The following ADGB variants were observed in gnomAD, a reference collection of about 807,000 sequenced individuals.
The protein encoded by ADGB is androglobin, also known as calpain-7-like protein.
Under a neutral mutation model 210.5 loss-of-function variants are expected in ADGB, and 172 were observed. The ratio of observed to expected loss-of-function variants is 0.82; its 90% CI spans 0.72 to 0.93. ADGB has a LOEUF of 0.93. Ranked by LOEUF, ADGB falls within the 40% of genes least tolerant of loss-of-function variation. ADGB has a pLI of 0.00. For synonymous variants in ADGB, 658 were observed against 662.7 expected (o/e 0.99, Z 0.11); for missense variants, 2,025 against 1,964.8 (o/e 1.03, Z -0.58).
chr6:146,731,082 TAGGG>T (rs1456241312), intron 20 of ADGB, among the ~76,000 whole-genome samples: 2 of 152,194 alleles, frequency 1.3e-5, no homozygotes, highest in Non-Finnish European at 2.9e-5. Flanking sequence ...TTATTTTTCG[TAGGG>T]AGTGATTAAG....
chr6:146,739,129 C>A (rs1156513543), intron 23 of ADGB, among the ~76,000 whole-genome samples: 1 of 152,058 alleles, frequency 6.6e-6, no homozygotes, highest in Non-Finnish European at 1.5e-5. Context: ...GACTGGAAAT[C>A]ACACTCTTAT....
At chr6:146,747,939 A>G (rs1777265558) in intron 26 of ADGB, among the ~76,000 whole-genome samples, 1 of 151,232 alleles carries the variant, frequency 6.6e-6, no homozygotes, top group Non-Finnish European at 1.5e-5. Context: ...CATGCCACCA[A>G]GCCTAGTTAA....
At chr6:146,730,990 AC>A (rs1425577944) in intron 20 of ADGB, among the ~76,000 whole-genome samples, 1 of 152,304 alleles carries the variant, frequency 6.6e-6, no homozygotes, top group East Asian at 1.9e-4. Context: ...AGAGAGAGGA[AC>A]AGAGAGAGAT....
intron 20 of ADGB, 59 bp downstream of exon 20, chr6:146,728,800 T>A: frequency 2.2e-6 from 3 of 1,387,864 alleles, no homozygotes; most frequent in Non-Finnish European, 2.9e-6. Flanking sequence ...AAATGGTATA[T>A]CTTCCATTAG....
At position 146,740,680 on chromosome 6, in the gene ADGB, T is replaced by C. The variant is rs151247180; in HGVS notation, c.3023+87T>C. The C allele has an allele frequency of 6.9e-4, 950 of 1,368,256 alleles. 10 individuals are homozygous for C. The African/African-American group carries it at 0.013, about 19-fold the overall frequency. The allele number at this position is 1,368,256 out of a possible 1,614,324, so 84.8% of individuals were successfully genotyped here. On this transcript the variant is annotated intron_variant, in intron 24 of 35. Transcript: ENST00000397944. ...ATATTTCTGATAGTAGTAAAGGTAT[T>C]AGCTTCTGGGTTGCTTTCATAAGTT...
At position 146,659,069 on chromosome 6, in the gene ADGB, G is replaced by A. The variant is rs114172297; in HGVS notation, c.612+2089G>A. Among the ~76,000 whole-genome samples the A allele has an allele frequency of 6.8e-3, 1,040 of 152,260 alleles. 7 individuals are homozygous for A. The highest frequency in any genetic ancestry group is 0.022 in the African/African-American group (927 of 41,554). On this transcript the variant is annotated intron_variant, in intron 5 of 35. Coordinates refer to ENST00000397944, the MANE Select transcript of ADGB (RefSeq NM_024694.4). ...GTGATAGGGCTGAGTCAATATCTGT[G>A]TACATATTAACATTAGTAAGAAGTT...
At chr6:146,735,789 T>A (rs1431362250) in intron 22 of ADGB, among the ~76,000 whole-genome samples, 3 of 152,204 alleles carry the variant, frequency 2.0e-5, no homozygotes, top group Non-Finnish European at 2.9e-5. Flanking sequence ...TGCATTTTTT[T>A]CACTCAACAT....
intron 35 of ADGB, among the ~76,000 whole-genome samples, chr6:146,809,872 G>GA (rs1209355354): frequency 3.3e-5 from 5 of 151,880 alleles, no homozygotes; most frequent in African/African-American, 1.2e-4. Flanking sequence ...ATTGCATACA[G>GA]AAAAAATCTC....
chr6:146,662,279 A>G (rs1775871664), intron 5 of ADGB, among the ~76,000 whole-genome samples: 1 of 152,044 alleles, frequency 6.6e-6, no homozygotes, highest in South Asian at 2.1e-4. Flanking sequence ...TGAATATTAT[A>G]TCTTTTTGCA....
chr6:146,809,990 G>GTGA (rs1562307925), intron 35 of ADGB, among the ~76,000 whole-genome samples: 6 of 150,270 alleles, frequency 4.0e-5, no homozygotes, highest in Non-Finnish European at 8.9e-5. Context: ...CTGCTGCACA[G>GTGA]CAAAGAAAAC....
chr6:146,746,249 G>A (rs1475527832), intron 26 of ADGB, 140 bp downstream of exon 26: 2 of 638,954 alleles, frequency 3.1e-6, no homozygotes, highest in Admixed American at 3.0e-5. Context: ...TTAATTGAGT[G>A]TGATGTGATT....
At chr6:146,664,463 T>C (rs2114894348) in intron 6 of ADGB, 123 bp downstream of exon 6, 1 of 1,004,786 alleles carries the variant, frequency 1.0e-6, no homozygotes, top group Admixed American at 3.3e-5. Flanking sequence ...CCCTAAACAA[T>C]GTAATGCTCT....
At chr6:146,792,620 T>G (rs1490224287) in intron 33 of ADGB, among the ~76,000 whole-genome samples, 1 of 152,110 alleles carries the variant, frequency 6.6e-6, no homozygotes, top group Non-Finnish European at 1.5e-5. Context: ...TCAGCTCATC[T>G]GCTCCTAATT....
At chr6:146,729,556 TCCCAAGAGGCTAGGA>T (rs1226719507) in intron 20 of ADGB, among the ~76,000 whole-genome samples, 2 of 151,966 alleles carry the variant, frequency 1.3e-5, no homozygotes, top group African/African-American at 4.8e-5. Context: ...TGTCTTACCC[TCCCAAGAGGCTAGGA>T]CTACAGGCAT....
intron 3 of ADGB, among the ~76,000 whole-genome samples, chr6:146,646,063 G>A (rs1885678): frequency 0.31 from 47,107 of 151,942 alleles, 8,136 homozygotes; most frequent in Middle Eastern, 0.4. Flanking sequence ...AATAAAGGGT[G>A]TGAATTCCAC....
At chr6:146,734,105 T>C (rs1777044693) in intron 22 of ADGB, 75 bp downstream of exon 22, 3 of 1,420,524 alleles carry the variant, frequency 2.1e-6, no homozygotes. Context: ...AATGAAAGTA[T>C]TTTGGAGTCC....
chr6:146,750,236 G>T (rs1777300458), intron 26 of ADGB, among the ~76,000 whole-genome samples: 1 of 152,012 alleles, frequency 6.6e-6, no homozygotes. Context: ...CTAATTTCAA[G>T]GAGGAATAAA....
intron 5 of ADGB, 151 bp from the exon 6 acceptor site, chr6:146,664,050 G>C (rs540267751): frequency 3.6e-5 from 25 of 702,182 alleles, no homozygotes; most frequent in African/African-American, 3.3e-4. Context: ...AACCAGAGTA[G>C]TATTGAAATC....
At chr6:146,604,101 G>A (rs946559512) in intron 1 of ADGB, among the ~76,000 whole-genome samples, 1 of 152,224 alleles carries the variant, frequency 6.6e-6, no homozygotes, top group Admixed American at 6.5e-5. Flanking sequence ...CAGGTGACCT[G>A]TGTGGAGCTC....
Sources: allele counts gnomAD v4.1 joint callset (sites outside exome capture counted in the v4.1 genomes callset), GRCh38; gene constraint gnomAD v4.1.1; transcripts MANE v1.5; gene names NCBI Gene and HGNC (gene_info 2026-07-23, HGNC 2026-07-21).